The following IL1RAP variants were observed in gnomAD, a reference collection of about 807,000 sequenced individuals.
IL1RAP encodes interleukin-1 receptor accessory protein.
Under a neutral mutation model 60.7 loss-of-function variants are expected in IL1RAP, and 35 were observed. The ratio of observed to expected loss-of-function variants is 0.58; its 90% confidence interval spans 0.44 to 0.76. The LOEUF is 0.76. IL1RAP is among the 30% of genes least tolerant of loss of function. The pLI is 0.00. For synonymous variants in IL1RAP, 268 were observed against 250.9 expected, an observed-to-expected ratio of 1.07 and a Z score of -0.64; for missense variants, 572 against 693.9, an observed-to-expected ratio of 0.82 and a Z score of 1.97.
intron 5 of IL1RAP, among the ~76,000 whole-genome samples, chr3:190,614,048 C>A (rs566128125): frequency 1.6e-4 from 24 of 151,954 alleles, no homozygotes; most frequent in African/African-American, 5.5e-4. Flanking sequence ...CTTCTATTTT[C>A]TGCCTTTTAC....
chr3:190,598,124 T>C (rs1380801425), intron 3 of IL1RAP, among the ~76,000 whole-genome samples: 1 of 152,210 alleles, frequency 6.6e-6, no homozygotes, highest in African/African-American at 2.4e-5. Flanking sequence ...GGAAAGATAC[T>C]AATTTCCATT....
At chr3:190,606,594 T>C (rs1332315219) in intron 4 of IL1RAP, among the ~76,000 whole-genome samples, 1 of 152,208 alleles carries the variant, frequency 6.6e-6, no homozygotes, top group Admixed American at 6.5e-5. Flanking sequence ...TCTAATCTTC[T>C]TTTACATTAT....
chr3:190,543,840 T>C (rs991731825), intron 1 of IL1RAP, among the ~76,000 whole-genome samples: 1 of 152,174 alleles, frequency 6.6e-6, no homozygotes, highest in African/African-American at 2.4e-5. Context: ...ATCAGGGAAG[T>C]AGCACTAGGA....
At position 190,593,741 on chromosome 3, in the gene IL1RAP, C is replaced by T. The variant is rs200241285; in HGVS notation, c.65-10387C>T. ...TGATTCAATTACCTCCCACCATGTC[C>T]CTCCCACGACATTTGGGAATTATGG... On this transcript the variant is annotated intron_variant, in intron 3 of 11. Transcript: ENST00000447382. Among the ~76,000 whole-genome samples, 8 of 152,178 alleles carry T rather than the reference C, an allele frequency of 5.3e-5. No homozygotes were observed. The East Asian group carries it at 1.4e-3, about 26-fold the overall frequency.
At chr3:190,526,963 G>C (rs1245839719) in intron 1 of IL1RAP, among the ~76,000 whole-genome samples, 1 of 152,228 alleles carries the variant, frequency 6.6e-6, no homozygotes, top group Non-Finnish European at 1.5e-5. Flanking sequence ...GCCAGTTCTG[G>C]AGAACAGCAT....
At position 190,525,015 on chromosome 3, in the gene IL1RAP, TA is replaced by T. The variant is rs530544309; in HGVS notation, c.-89+10797del. ...ATATATATATGTGTGTACATGTATA[TA>T]TGTGTATGTAAAAATAAGTGTCTAT... is the stretch of plus-strand genomic sequence containing the variant. On this transcript the variant is annotated intron_variant, in intron 1 of 11. Coordinates refer to ENST00000447382, the MANE Select transcript of IL1RAP (RefSeq NM_002182.4). 7.3e-4 allele frequency among the ~76,000 whole-genome samples: 111 copies of T among 152,264 alleles called. 1 individual carries two copies. The highest frequency in any genetic ancestry group is 6.2e-3 in the Admixed American group (95 of 15,292).
Position 190,632,344 on chromosome 3 carries a change from A to G in IL1RAP, c.1051+2846A>G, listed in dbSNP as rs151235487. Among the ~76,000 whole-genome samples the G allele has an allele frequency of 3.0e-3, 452 of 152,364 alleles. 4 individuals carry two copies. Among genetic ancestry groups the G allele is most frequent in the African/African-American group, 0.011 (439 of 41,586 alleles). On this transcript the variant is annotated intron_variant, in intron 9 of 11. Transcript: ENST00000447382. ...TGCTTTAAATTTGCATTTATTGGAT[A>G]CTAATGATGTTGGACAATTTTTCAT...
At chr3:190,624,788 A>G (rs9824565) in intron 7 of IL1RAP, 17,038 of 165,204 alleles carry the variant, frequency 0.1, 1,136 homozygotes, top group African/African-American at 0.18. Flanking sequence ...AAAAAATTAA[A>G]AAGTTTATGG....
chr3:190,575,236 G>A (rs1300937892), intron 3 of IL1RAP, among the ~76,000 whole-genome samples: 1 of 152,188 alleles, frequency 6.6e-6, no homozygotes, highest in African/African-American at 2.4e-5. Flanking sequence ...GGTAGGCAAA[G>A]ATGAAGACAT....
intron 1 of IL1RAP, among the ~76,000 whole-genome samples, chr3:190,529,453 C>A (rs903966030): frequency 5.3e-5 from 8 of 150,570 alleles, no homozygotes; most frequent in Non-Finnish European, 1.2e-4. Flanking sequence ...TTTGGGAGGC[C>A]GAGGCGGGCA....
chr3:190,621,655 A>G (rs943272658), intron 6 of IL1RAP, among the ~76,000 whole-genome samples: 6 of 152,208 alleles, frequency 3.9e-5, no homozygotes, highest in African/African-American at 1.4e-4. Context: ...TTAAAGCTGC[A>G]AAGTGTTGAG....
At chr3:190,647,969 C>T (rs1419415488) in intron 11 of IL1RAP, among the ~76,000 whole-genome samples, 3 of 152,124 alleles carry the variant, frequency 2.0e-5, no homozygotes, top group Non-Finnish European at 2.9e-5. Flanking sequence ...CATGAGCTGA[C>T]GTGGCTAGAC....
At chr3:190,656,817 C>T (rs901963267) in exon 12 of IL1RAP, 5 of 465,750 alleles carry the variant, frequency 1.1e-5, no homozygotes, top group African/African-American at 7.9e-5. Flanking sequence ...GAAGAGCACA[C>T]TCTTCTTGGG....
At chr3:190,525,707 G>A (rs1221789884) in intron 1 of IL1RAP, among the ~76,000 whole-genome samples, 1 of 152,130 alleles carries the variant, frequency 6.6e-6, no homozygotes, top group Non-Finnish European at 1.5e-5. Context: ...CATTTCAAAA[G>A]GGAAAACAAA....
chr3:190,621,263 C>G (rs1731753732), intron 6 of IL1RAP, among the ~76,000 whole-genome samples: 1 of 152,166 alleles, frequency 6.6e-6, no homozygotes, highest in Admixed American at 6.5e-5. Flanking sequence ...TTCTAGATCC[C>G]AGGTCTCTGC....
At chr3:190,557,459 G>A (rs987360762) in intron 2 of IL1RAP, among the ~76,000 whole-genome samples, 2 of 152,158 alleles carry the variant, frequency 1.3e-5, no homozygotes, top group African/African-American at 2.4e-5. Flanking sequence ...GCACTTTGAA[G>A]CTATTTCCTA....
chr3:190,570,385 GTGT>G (rs1726805766), intron 3 of IL1RAP, among the ~76,000 whole-genome samples: 1 of 152,172 alleles, frequency 6.6e-6, no homozygotes, highest in African/African-American at 2.4e-5. Flanking sequence ...ATATTCTGTT[GTGT>G]TTTATGACAT....
chr3:190,577,088 G>T (rs955067969), intron 3 of IL1RAP, among the ~76,000 whole-genome samples: 3 of 128,828 alleles, frequency 2.3e-5, no homozygotes, highest in Non-Finnish European at 4.7e-5. Context: ...GCGACAGAGC[G>T]AGACTCCGTC....
chr3:190,657,473 T>C (rs1734652658), exon 12 of IL1RAP: 1 of 152,186 alleles, frequency 6.6e-6, no homozygotes, highest in African/African-American at 2.4e-5. Context: ...TTGTAAGTGA[T>C]GTAGCGTAGA....
Sources: gnomAD v4.1 joint callset for allele counts (sites outside exome capture counted in the v4.1 genomes callset) on GRCh38, gnomAD v4.1.1 for gene constraint, MANE v1.5 for transcripts, NCBI Gene and HGNC (gene_info 2026-07-23, HGNC 2026-07-21) for gene names.